Variants in SCARA3 observed in about 807,000 individuals in gnomAD.
The protein encoded by SCARA3 is scavenger receptor class A member 3.
A neutral mutation model predicts 47.0 loss-of-function variants in SCARA3; 39 were observed. The observed-to-expected ratio is 0.83, with a 90% CI of 0.64 to 1.08. SCARA3 has a LOEUF of 1.08. SCARA3 is among the 50% of genes least tolerant of loss of function. The pLI is 0.00. For synonymous variants in SCARA3, 356 were observed against 334.1 expected (o/e 1.07, Z -0.71); for missense variants, 724 against 792.3 (o/e 0.91, Z 1.04).
At position 27,671,556 on chromosome 8, in the gene SCARA3, G is replaced by GCA. The variant is rs760158000; in HGVS notation, c.*212_*213dup. 7.8e-7 allele frequency: 1 copy of GCA among 1,277,756 alleles called. No individual in the cohort carries two copies. Among genetic ancestry groups the GCA allele is most frequent in the Non-Finnish European group, 9.8e-7 (1 of 1,016,702 alleles). The allele number at this position is 1,277,756 out of a possible 1,614,324, so 79.2% of individuals were successfully genotyped here. A position where few individuals can be genotyped will look rare whatever the true frequency, so the allele number is the denominator to read the frequency against. ...CCTCCTCACACATACATGTGCACAT[G>GCA]CACACACATGCATGCACACACATGC... is the stretch of plus-strand genomic sequence containing the variant. On this transcript the variant is annotated 3_prime_UTR_variant, in exon 6 of 6. Coordinates refer to ENST00000301904, the MANE Select transcript of SCARA3 (RefSeq NM_016240.3).
chr8:27,672,841 C>T lies in SCARA3; in HGVS notation c.*1490C>T. 1.0e-6 allele frequency: 1 copy of T among 985,618 alleles called. No homozygotes were observed. Among genetic ancestry groups the T allele is most frequent in the East Asian group, 1.1e-4 (1 of 8,818 alleles). The allele number at this position is 985,618 out of a possible 1,614,324, so 61.1% of individuals were successfully genotyped here. ...GTTAGGGCATAGAGTTGTCTCCTTCCCAACACGGACCCAGAGAGCAGCCCT... is the reference window on the plus strand; with the variant it reads ...GTTAGGGCATAGAGTTGTCTCCTTCTCAACACGGACCCAGAGAGCAGCCCT... On this transcript the variant is annotated 3_prime_UTR_variant, in exon 6 of 6. Coordinates refer to ENST00000301904, the MANE Select transcript of SCARA3 (RefSeq NM_016240.3).
the SCARA3 span, among the ~76,000 whole-genome samples, chr8:27,719,904 T>C: frequency 2.1e-3 from 327 of 152,266 alleles, no homozygotes; most frequent in African/African-American, 7.5e-3. Context: ...GAATGACTCA[T>C]TGATTATAAT....
chr8:27,639,875 T>C (rs561161989), intron 1 of SCARA3, among the ~76,000 whole-genome samples: 37 of 152,286 alleles, frequency 2.4e-4, no homozygotes, highest in African/African-American at 8.2e-4. Context: ...TCAGCAGAGT[T>C]AGCTCAGGAT....
At chr8:27,642,322 G>T (rs1194436129) in intron 1 of SCARA3, among the ~76,000 whole-genome samples, 1 of 152,170 alleles carries the variant, frequency 6.6e-6, no homozygotes, top group Non-Finnish European at 1.5e-5. Context: ...AATAAAAGTG[G>T]CTGCTACTAC....
intron 1 of SCARA3, among the ~76,000 whole-genome samples, chr8:27,648,548 G>A (rs936823760): frequency 6.6e-6 from 1 of 152,004 alleles, no homozygotes; most frequent in Non-Finnish European, 1.5e-5. Flanking sequence ...AGCTTGCAGT[G>A]AGCCGAGATA....
At chr8:27,715,859 TAGATACATA>T in the SCARA3 span, among the ~76,000 whole-genome samples, 2 of 92,214 alleles carry the variant, frequency 2.2e-5, no homozygotes, top group African/African-American at 9.2e-5. This position sits in a 1 kb window ranked among gnomAD's most constrained non-coding sequence, Gnocchi z 4.2. Context: ...GATAGATAGA[TAGATACATA>T]GATAGATAGA....
At chr8:27,688,095 C>T in the SCARA3 span, among the ~76,000 whole-genome samples, 159 of 152,130 alleles carry the variant, frequency 1.0e-3, no homozygotes, top group African/African-American at 3.5e-3. Context: ...CATTCTGGAC[C>T]GGAATAGTAG....
chr8:27,709,285 A>C, the SCARA3 span, among the ~76,000 whole-genome samples: 8 of 152,140 alleles, frequency 5.3e-5, no homozygotes, highest in Admixed American at 6.5e-5. Context: ...TTTTTACAAG[A>C]AAAGATTTCT....
At chr8:27,694,288 C>G in the SCARA3 span, among the ~76,000 whole-genome samples, 1 of 152,130 alleles carries the variant, frequency 6.6e-6, no homozygotes, top group East Asian at 1.9e-4. Context: ...CTCAGAGTCA[C>G]TGCTTAGCAA....
At chr8:27,648,781 GAAAGAGAT>G (rs1801565809) in intron 1 of SCARA3, among the ~76,000 whole-genome samples, 1 of 141,762 alleles carries the variant, frequency 7.1e-6, no homozygotes, top group African/African-American at 2.5e-5. Context: ...AAACGGCAAA[GAAAGAGAT>G]AAAGAGAGAG....
chr8:27,730,753 G>A, the SCARA3 span, among the ~76,000 whole-genome samples: 2 of 151,798 alleles, frequency 1.3e-5, no homozygotes, highest in South Asian at 2.1e-4. Context: ...GCCTCCCAAA[G>A]TGCTGGGATT....
At chr8:27,683,631 C>A in the SCARA3 span, among the ~76,000 whole-genome samples, 2 of 152,274 alleles carry the variant, frequency 1.3e-5, no homozygotes, top group East Asian at 3.9e-4. Flanking sequence ...GATGACTCAG[C>A]ATTTCCACTC....
chr8:27,694,613 C>T, the SCARA3 span, among the ~76,000 whole-genome samples: 4 of 152,152 alleles, frequency 2.6e-5, no homozygotes, highest in African/African-American at 9.6e-5. Context: ...AGGAAATGGA[C>T]GGTTGAGAAG....
At chr8:27,687,771 C>T in the SCARA3 span, among the ~76,000 whole-genome samples, 2 of 151,342 alleles carry the variant, frequency 1.3e-5, no homozygotes, top group African/African-American at 4.8e-5. Context: ...AATCCCAGCA[C>T]TTTGGGAGGC....
At chr8:27,731,901 C>T in the SCARA3 span, among the ~76,000 whole-genome samples, 2 of 122,148 alleles carry the variant, frequency 1.6e-5, no homozygotes, top group African/African-American at 3.0e-5. Flanking sequence ...CACGGTACCC[C>T]GAATATTTTC....
At chr8:27,667,766 G>C (rs1479443345) in intron 5 of SCARA3, among the ~76,000 whole-genome samples, 1 of 152,178 alleles carries the variant, frequency 6.6e-6, no homozygotes, top group African/African-American at 2.4e-5. Context: ...GCTGACTATG[G>C]CACGCCAGCA....
chr8:27,662,854 G>A (rs1397806354), intron 5 of SCARA3, among the ~76,000 whole-genome samples: 1 of 152,222 alleles, frequency 6.6e-6, no homozygotes, highest in African/African-American at 2.4e-5. Context: ...ATTGGGCAAT[G>A]ACAGTGGTGG....
chr8:27,651,486 G>T, intron 2 of SCARA3, 22 bp from the exon 3 acceptor site: 1 of 1,608,436 alleles, frequency 6.2e-7, no homozygotes. Flanking sequence ...CTAAGCCATT[G>T]TCCTCCTTGT....
the SCARA3 span, among the ~76,000 whole-genome samples, chr8:27,711,048 A>G: frequency 4.7e-5 from 7 of 149,780 alleles, no homozygotes; most frequent in African/African-American, 1.7e-4. Context: ...TCAGCCTCCC[A>G]AGTAGCTGGG....
Sources: gnomAD v4.1 joint callset for allele counts (sites outside exome capture counted in the v4.1 genomes callset) on GRCh38, gnomAD v4.1.1 for gene constraint, Gnocchi (gnomAD v3.1) non-coding constraint, MANE v1.5 for transcripts, NCBI Gene and HGNC (gene_info 2026-07-23, HGNC 2026-07-21) for gene names.